The following GALNT5 variants were observed in gnomAD, a reference collection of about 807,000 sequenced individuals.
GALNT5 encodes the protein polypeptide N-acetylgalactosaminyltransferase 5, also known as UDP-GalNAc:polypeptide N-acetylgalactosaminyltransferase 5.
Under a neutral mutation model 85.4 loss-of-function variants are expected in GALNT5, and 72 were observed. The ratio of observed to expected loss-of-function variants is 0.84; its 90% CI spans 0.70 to 1.03. The LOEUF (loss-of-function observed/expected upper bound fraction) is 1.03. Ranked by LOEUF, GALNT5 falls within the 50% of genes least tolerant of loss-of-function variation. The probability of loss-of-function intolerance (pLI) is 0.00; values close to 1 mark genes in which losing one functional copy is unlikely to be tolerated. For missense variants in GALNT5, 1,137 were observed against 1,135.5 expected, an observed-to-expected ratio of 1.00 and a Z score of -0.02; for synonymous variants, 404 against 397.0, an observed-to-expected ratio of 1.02 and a Z score of -0.21.
At chr2:157,285,241 T>TA (rs1353476745) in intron 2 of GALNT5, among the ~76,000 whole-genome samples, 1 of 152,000 alleles carries the variant, frequency 6.6e-6, no homozygotes, top group Admixed American at 6.6e-5. Flanking sequence ...TGTGGGATGA[T>TA]AGAGAAAAAC....
intron 3 of GALNT5, among the ~76,000 whole-genome samples, chr2:157,287,687 G>A (rs555790291): frequency 2.0e-4 from 30 of 152,250 alleles, no homozygotes; most frequent in Admixed American, 9.8e-4. Context: ...AAGGCCGTAT[G>A]CCTTCTTTTC....
chr2:157,308,445 C>T, intron 8 of GALNT5, 122 bp from the exon 9 acceptor site: 1 of 689,492 alleles, frequency 1.5e-6, no homozygotes, highest in Non-Finnish European at 2.5e-6. Flanking sequence ...AATACCAGGA[C>T]TTGAATATAA....
At chr2:157,266,636 T>C (rs931760495) in intron 1 of GALNT5, among the ~76,000 whole-genome samples, 1 of 152,338 alleles carries the variant, frequency 6.6e-6, no homozygotes, top group Admixed American at 6.5e-5. Flanking sequence ...TATGAGATAT[T>C]AACTTTCATA....
At chr2:157,311,158 A>T (rs781271943) in intron 9 of GALNT5, 50 bp from the exon 10 acceptor site, 17 of 1,403,204 alleles carry the variant, frequency 1.2e-5, no homozygotes, top group Admixed American at 1.9e-5. Flanking sequence ...TTCATATTGC[A>T]GTTATCAAAT....
chr2:157,275,283 T>C (rs543706727), intron 1 of GALNT5, among the ~76,000 whole-genome samples: 1 of 152,214 alleles, frequency 6.6e-6, no homozygotes, highest in African/African-American at 2.4e-5. Flanking sequence ...GCTTTGTTCT[T>C]TTCGCTTGGG....
rs371720916 is a variant in GALNT5, at chr2:157,303,937, G to T, written c.2440-1812G>T. 5.3e-5 allele frequency among the ~76,000 whole-genome samples: 8 copies of T among 152,268 alleles called. 1 individual carries two copies. Among genetic ancestry groups the T allele is most frequent in the African/African-American group, 1.7e-4 (7 of 41,570 alleles). ...TTGAGAAACATTTGTACAACATTCTGACAGCAAGCTGAACATTAACACCCT... is the reference window on the plus strand; with the variant it reads ...TTGAGAAACATTTGTACAACATTCTTACAGCAAGCTGAACATTAACACCCT... On this transcript the variant is annotated intron_variant, in intron 7 of 9. Coordinates refer to ENST00000259056, the MANE Select transcript of GALNT5 (RefSeq NM_014568.3).
In GALNT5 at chr2:157,316,412, AC is replaced by A. The variant is rs1329145994; in HGVS notation, c.*5067del. ...AATGACTCCTGTATTAATATTACCA[AC>A]CCTTGATCCCTCCAACCTTTAATCA... is the stretch of plus-strand genomic sequence containing the variant. On this transcript the variant is annotated 3_prime_UTR_variant, in exon 10 of 10. Transcript: ENST00000259056. 1.3e-5 allele frequency among the ~76,000 whole-genome samples: 2 copies of A among 152,018 alleles called. No individual in the cohort carries two copies. Among genetic ancestry groups the A allele is most frequent in the Non-Finnish European group, 2.9e-5 (2 of 68,000 alleles).
chr2:157,298,640 G>A (rs1357307493), intron 5 of GALNT5, among the ~76,000 whole-genome samples: 1 of 152,282 alleles, frequency 6.6e-6, no homozygotes, highest in East Asian at 1.9e-4. Context: ...CCGCTTTAAC[G>A]AATCCCTGCT....
At chr2:157,281,376 C>A (rs938467084) in intron 1 of GALNT5, among the ~76,000 whole-genome samples, 3 of 152,114 alleles carry the variant, frequency 2.0e-5, no homozygotes, top group Admixed American at 2.0e-4. Context: ...TGTAGCAACA[C>A]AAAAATGGCC....
chr2:157,276,133 G>A (rs935422411), intron 1 of GALNT5, among the ~76,000 whole-genome samples: 1 of 152,148 alleles, frequency 6.6e-6, no homozygotes, highest in Non-Finnish European at 1.5e-5. Flanking sequence ...TTATTGATTT[G>A]TGTATGTTGA....
intron 1 of GALNT5, among the ~76,000 whole-genome samples, chr2:157,273,839 T>TTTA (rs1682654481): frequency 6.6e-6 from 1 of 151,862 alleles, no homozygotes. Context: ...TATACTTTAA[T>TTTA]AAATGTTAAT....
intron 5 of GALNT5, among the ~76,000 whole-genome samples, chr2:157,297,269 C>G (rs1349173064): frequency 1.3e-5 from 2 of 152,196 alleles, no homozygotes; most frequent in Non-Finnish European, 2.9e-5. Flanking sequence ...ATCAGTCATA[C>G]CCGCCTTCCT....
chr2:157,308,806 C>T (rs1683508903), intron 9 of GALNT5, 78 bp downstream of exon 9: 3 of 1,138,052 alleles, frequency 2.6e-6, no homozygotes, highest in Non-Finnish European at 3.8e-6. Context: ...CTCATTGTCA[C>T]CTTCCTCAGT....
intron 3 of GALNT5, among the ~76,000 whole-genome samples, chr2:157,287,760 A>G (rs1006363265): frequency 1.3e-5 from 2 of 152,178 alleles, no homozygotes; most frequent in African/African-American, 4.8e-5. Flanking sequence ...TTTTATGAGT[A>G]TTCTAAAAAC....
intron 9 of GALNT5, among the ~76,000 whole-genome samples, chr2:157,310,876 A>G (rs776486009): frequency 5.9e-5 from 9 of 152,174 alleles, no homozygotes; most frequent in Admixed American, 6.5e-5. Context: ...CCATCAATGA[A>G]GTAGTTATCA....
At chr2:157,265,618 T>C (rs916392717) in intron 1 of GALNT5, among the ~76,000 whole-genome samples, 8 of 152,208 alleles carry the variant, frequency 5.3e-5, no homozygotes, top group African/African-American at 1.7e-4. Flanking sequence ...ACCATCAGCA[T>C]AATATATCAA....
At chr2:157,276,032 G>A (rs972927144) in intron 1 of GALNT5, among the ~76,000 whole-genome samples, 1 of 152,098 alleles carries the variant, frequency 6.6e-6, no homozygotes, top group African/African-American at 2.4e-5. Context: ...TAGCATGAAG[G>A]GCTGTTGAAT....
At chr2:157,283,006 G>A (rs1457148278) in intron 1 of GALNT5, among the ~76,000 whole-genome samples, 1 of 152,196 alleles carries the variant, frequency 6.6e-6, no homozygotes, top group Non-Finnish European at 1.5e-5. Context: ...GTATAACCAT[G>A]TTATTTGGCA....
intron 3 of GALNT5, among the ~76,000 whole-genome samples, chr2:157,292,650 G>A (rs1683124408): frequency 1.3e-5 from 2 of 152,192 alleles, no homozygotes; most frequent in South Asian, 2.1e-4. Flanking sequence ...GACAGGTGGC[G>A]TAGTAAAGAA....
Sources: gnomAD v4.1 joint callset for allele counts (sites outside exome capture counted in the v4.1 genomes callset) on GRCh38, gnomAD v4.1.1 for gene constraint, MANE v1.5 for transcripts, NCBI Gene and HGNC (gene_info 2026-07-23, HGNC 2026-07-21) for gene names.